The following CAMK4 variants were observed in gnomAD, a reference collection of about 807,000 sequenced individuals.
CAMK4 encodes the protein calcium/calmodulin-dependent protein kinase type IV.
Under a neutral mutation model 44.9 loss-of-function variants are expected in CAMK4, and 22 were observed. The ratio of observed to expected loss-of-function variants is 0.49; its 90% CI spans 0.35 to 0.70. CAMK4 has a LOEUF of 0.70. Among genes scored for constraint, CAMK4 ranks in the 30% least tolerant of loss-of-function variants. The pLI, the probability that CAMK4 is intolerant of heterozygous loss-of-function variation, is 0.01. For missense variants in CAMK4, 498 were observed against 586.8 expected (o/e 0.85, Z 1.56); for synonymous variants, 218 against 215.4 (o/e 1.01, Z -0.11).
chr5:111,258,732 G>C (rs1749847405), intron 1 of CAMK4, among the ~76,000 whole-genome samples: 1 of 137,332 alleles, frequency 7.3e-6, no homozygotes, highest in South Asian at 2.3e-4. Flanking sequence ...CCTCTACAGA[G>C]TTATCAGCGT....
chr5:111,256,566 T>C (rs189866129), intron 1 of CAMK4, among the ~76,000 whole-genome samples: 61 of 152,310 alleles, frequency 4.0e-4, no homozygotes, highest in Non-Finnish European at 2.6e-4. Context: ...TTTCAAAATA[T>C]TTTATTTGAA....
At chr5:111,372,422 A>T (rs1394476895) in intron 2 of CAMK4, among the ~76,000 whole-genome samples, 1 of 152,150 alleles carries the variant, frequency 6.6e-6, no homozygotes, top group African/African-American at 2.4e-5. Context: ...ACTATTTGAG[A>T]TTAGATAGAT....
intron 4 of CAMK4, among the ~76,000 whole-genome samples, chr5:111,388,135 TG>T (rs1312295446): frequency 6.6e-6 from 1 of 152,118 alleles, no homozygotes; most frequent in Non-Finnish European, 1.5e-5. Flanking sequence ...GGAATAGAAG[TG>T]GTCGAAGGGT....
At chr5:111,381,671 TC>T (rs1220826374) in intron 4 of CAMK4, among the ~76,000 whole-genome samples, 1 of 152,278 alleles carries the variant, frequency 6.6e-6, no homozygotes, top group Non-Finnish European at 1.5e-5. Context: ...CATCCTTCAA[TC>T]CAATCAAGTT....
Position 111,493,646 on chromosome 5 carries a change from C to T in CAMK4, c.*9180C>T, listed in dbSNP as rs1428160124. ...CAGAACTTGTTTCTCCAAACATCAACCTGCTCCTGTCAAGTCCTTTTTCAT... is the reference window on the plus strand; with the variant it reads ...CAGAACTTGTTTCTCCAAACATCAATCTGCTCCTGTCAAGTCCTTTTTCAT... On this transcript the variant is annotated 3_prime_UTR_variant, in exon 11 of 11. Transcript: ENST00000282356. The surrounding 1 kb of genome is among the most constrained non-coding windows in gnomAD (Gnocchi z 4.1). 6.6e-6 allele frequency: 1 copy of T among 152,208 alleles called. No homozygotes were observed. The highest frequency in any genetic ancestry group is 1.5e-5 in the Non-Finnish European group (1 of 68,038). The allele number at this position is 152,208 out of a possible 1,614,324, so 9.4% of individuals were successfully genotyped here.
intron 1 of CAMK4, among the ~76,000 whole-genome samples, chr5:111,315,236 A>T (rs1292652187): frequency 1.3e-5 from 2 of 152,148 alleles, no homozygotes; most frequent in Non-Finnish European, 2.9e-5. Context: ...TTGCACAGAT[A>T]CTTAGAAACT....
rs766957994 is a variant in CAMK4 at position 111,352,444 on chromosome 5, T to C, written c.240+8342T>C. ...TAGCCATTAACAATAAAAATAACCT[T>C]AAATTAATAAGACAATACTTTTTAC... is the stretch of plus-strand genomic sequence containing the variant. On this transcript the variant is annotated intron_variant, in intron 2 of 10. Coordinates refer to ENST00000282356, the MANE Select transcript of CAMK4 (RefSeq NM_001744.6). 5.8e-4 allele frequency among the ~76,000 whole-genome samples: 89 copies of C among 152,140 alleles called. No homozygotes were observed. In the Middle Eastern group the frequency reaches 0.02, roughly 35 times the overall value.
chr5:111,237,480 C>G (rs900653368), intron 1 of CAMK4, among the ~76,000 whole-genome samples: 2 of 152,172 alleles, frequency 1.3e-5, no homozygotes, highest in Non-Finnish European at 2.9e-5. Flanking sequence ...TTGGAGGATC[C>G]TCACATAAAT....
chr5:111,406,651 C>T (rs1452338658), intron 5 of CAMK4, among the ~76,000 whole-genome samples: 1 of 151,206 alleles, frequency 6.6e-6, no homozygotes, highest in Non-Finnish European at 1.5e-5. Context: ...TGACTCTGGG[C>T]TCACTTTGCA....
intron 4 of CAMK4, among the ~76,000 whole-genome samples, 192 bp from the exon 5 acceptor site, chr5:111,394,518 G>C (rs115133628): frequency 6.6e-6 from 1 of 152,082 alleles, no homozygotes; most frequent in Admixed American, 6.6e-5. Flanking sequence ...AAAAATAAAA[G>C]TATTTCATTT....
intron 2 of CAMK4, chr5:111,365,085 C>G (rs1750741499): frequency 6.6e-6 from 1 of 152,130 alleles, no homozygotes; most frequent in South Asian, 2.1e-4. Context: ...AGAGTACTAT[C>G]AAGTGCCAAG....
At chr5:111,299,880 G>A (rs1366182073) in intron 1 of CAMK4, among the ~76,000 whole-genome samples, 3 of 151,848 alleles carry the variant, frequency 2.0e-5, no homozygotes, top group South Asian at 4.2e-4. Context: ...ACATAGTATC[G>A]GTGTTTCTTT....
intron 7 of CAMK4, 112 bp downstream of exon 7, chr5:111,449,315 T>G: frequency 3.7e-6 from 2 of 537,148 alleles, no homozygotes; most frequent in Non-Finnish European, 6.6e-6. Context: ...TGCTTAAAAT[T>G]TGTTGCAAAT....
chr5:111,401,332 T>A (rs555388778), intron 5 of CAMK4, among the ~76,000 whole-genome samples: 1 of 152,232 alleles, frequency 6.6e-6, no homozygotes, highest in South Asian at 2.1e-4. Context: ...AGAGACAGGA[T>A]TTCACTATGT....
At chr5:111,399,543 C>T (rs1752145323) in intron 5 of CAMK4, among the ~76,000 whole-genome samples, 1 of 152,078 alleles carries the variant, frequency 6.6e-6, no homozygotes, top group Non-Finnish European at 1.5e-5. Context: ...CAAAACAGTA[C>T]ATGACAAAGT....
intron 1 of CAMK4, among the ~76,000 whole-genome samples, chr5:111,321,457 C>A (rs373194704): frequency 5.3e-5 from 8 of 152,102 alleles, no homozygotes; most frequent in African/African-American, 1.4e-4. Context: ...GAGTAATTTT[C>A]TGAACTTTTA....
intron 5 of CAMK4, among the ~76,000 whole-genome samples, chr5:111,406,194 TTCTCTCTC>T (rs10524853): frequency 5.1e-5 from 7 of 136,744 alleles, no homozygotes; most frequent in East Asian, 2.2e-4. Context: ...CTAATTTATT[TTCTCTCTC>T]TCTCTCTCTC....
At chr5:111,398,509 TATC>T (rs1752102895) in intron 5 of CAMK4, among the ~76,000 whole-genome samples, 2 of 152,210 alleles carry the variant, frequency 1.3e-5, no homozygotes, top group Non-Finnish European at 2.9e-5. Flanking sequence ...ATTCCTAAAG[TATC>T]ATTGCATCCT....
chr5:111,319,114 A>T (rs1351446268), intron 1 of CAMK4, among the ~76,000 whole-genome samples: 2 of 152,182 alleles, frequency 1.3e-5, no homozygotes, highest in Non-Finnish European at 2.9e-5. Flanking sequence ...TTCACCCTCA[A>T]GTCACACTGG....
Sources: gnomAD v4.1 joint callset for allele counts (sites outside exome capture counted in the v4.1 genomes callset) on GRCh38, gnomAD v4.1.1 for gene constraint, Gnocchi (gnomAD v3.1) non-coding constraint, MANE v1.5 for transcripts, NCBI Gene and HGNC (gene_info 2026-07-23, HGNC 2026-07-21) for gene names.